NEIL3: variants seen among roughly 807,000 people sequenced by gnomAD.
NEIL3 encodes the protein endonuclease 8-like 3.
NEIL3 carries 48 observed loss-of-function variants against 57.5 expected under a neutral mutation model. The observed-to-expected ratio is 0.83, with a 90% CI of 0.66 to 1.06. NEIL3 has a LOEUF of 1.06. NEIL3 is among the 50% of genes least tolerant of loss of function. The probability of loss-of-function intolerance (pLI) is 0.00; values close to 1 mark genes in which losing one functional copy is unlikely to be tolerated. For synonymous variants in NEIL3, 261 were observed against 253.2 expected, an observed-to-expected ratio of 1.03 and a Z score of -0.29; for missense variants, 717 against 739.1, an observed-to-expected ratio of 0.97 and a Z score of 0.35.
At chr4:177,319,755 A>G (rs1578987345) in intron 1 of NEIL3, among the ~76,000 whole-genome samples, 1 of 152,116 alleles carries the variant, frequency 6.6e-6, no homozygotes, top group East Asian at 1.9e-4. Context: ...GAAGCAGGGA[A>G]CGCTACTATA....
intron 6 of NEIL3, among the ~76,000 whole-genome samples, 156 bp from the exon 7 acceptor site, chr4:177,351,206 CAAAAAAAAAAAAAAAAAA>C (rs749430879): frequency 8.5e-5 from 5 of 58,518 alleles, no homozygotes; most frequent in South Asian, 9.8e-4. Context: ...CCCATCTCTA[CAAAAAAAAAAAAAAAAAA>C]AAAAAAAAAA....
intron 8 of NEIL3, among the ~76,000 whole-genome samples, chr4:177,355,778 T>C (rs1735459560): frequency 6.6e-6 from 1 of 152,196 alleles, no homozygotes. Context: ...TCTGAGACAG[T>C]CTCTGCTCAA....
chr4:177,334,815 A>G (rs1734944428), intron 2 of NEIL3, among the ~76,000 whole-genome samples: 5 of 152,374 alleles, frequency 3.3e-5, no homozygotes, highest in Admixed American at 2.6e-4. Flanking sequence ...TATGAACTCA[A>G]CAAAGCTATG....
In NEIL3 at chr4:177,329,036, A is replaced by G. The variant is rs75580459; in HGVS notation, c.278+6456A>G. On this transcript the variant is annotated intron_variant, in intron 2 of 9. Coordinates refer to ENST00000264596, the MANE Select transcript of NEIL3 (RefSeq NM_018248.3). The stretch of plus-strand genomic sequence containing the variant: ...GAAGATTTGCATATCGTTTGAATAT[A>G]TCACTGAGATAACTTGTATCACAGT... 9.0e-3 allele frequency among the ~76,000 whole-genome samples: 1,368 copies of G among 152,290 alleles called. 18 individuals carry two copies. Among genetic ancestry groups the G allele is most frequent in the African/African-American group, 0.03 (1,266 of 41,580 alleles).
intron 6 of NEIL3, among the ~76,000 whole-genome samples, chr4:177,347,422 G>A (rs927437419): frequency 1.3e-5 from 2 of 152,120 alleles, no homozygotes; most frequent in Non-Finnish European, 2.9e-5. Context: ...TTTTGAACGG[G>A]CGTGAAATAA....
At chr4:177,341,208 T>C (rs1023834185) in intron 5 of NEIL3, among the ~76,000 whole-genome samples, 2 of 152,170 alleles carry the variant, frequency 1.3e-5, no homozygotes, top group Non-Finnish European at 2.9e-5. Context: ...GTCATTTAGA[T>C]AAGAGGATAA....
rs1440145554 is a variant in NEIL3 at position 177,362,899 on chromosome 4, C to A, written c.*428C>A. 5.3e-5 allele frequency: 8 copies of A among 151,948 alleles called. No individual in the cohort carries two copies. Among genetic ancestry groups the A allele is most frequent in the Admixed American group, 4.6e-4 (7 of 15,242 alleles). The allele number at this position is 151,948 out of a possible 1,614,324, so 9.4% of individuals were successfully genotyped here. On this transcript the variant is annotated 3_prime_UTR_variant, in exon 10 of 10. Transcript: ENST00000264596. Reference sequence around the variant, plus strand: ...TTATAATATATGATTAAAGATATTTCTTGTTTTATTAAATAATAAGAAATA... The same window carrying A: ...TTATAATATATGATTAAAGATATTTATTGTTTTATTAAATAATAAGAAATA...
intron 6 of NEIL3, 119 bp downstream of exon 6, chr4:177,341,761 TA>T: frequency 7.1e-6 from 6 of 850,432 alleles, no homozygotes; most frequent in Non-Finnish European, 1.0e-5. Flanking sequence ...GACTCAAAAG[TA>T]TTTTAGTCCT....
chr4:177,350,446 A>G (rs891753439), intron 6 of NEIL3, among the ~76,000 whole-genome samples: 1 of 152,202 alleles, frequency 6.6e-6, no homozygotes, highest in Non-Finnish European at 1.5e-5. Flanking sequence ...ATCATGATTT[A>G]TATTTGTGGC....
intron 2 of NEIL3, 119 bp from the exon 3 acceptor site, chr4:177,335,569 G>A: frequency 1.3e-6 from 1 of 796,110 alleles, no homozygotes; most frequent in Non-Finnish European, 2.0e-6. Flanking sequence ...CCCTTTAAAA[G>A]TGTCTATCCT....
chr4:177,320,468 T>TGC (rs551619306), intron 1 of NEIL3, among the ~76,000 whole-genome samples: 7,749 of 29,370 alleles, frequency 0.26, 405 homozygotes, highest in Middle Eastern at 0.38. Context: ...ACTGCTGTCT[T>TGC]TTTTTTTTTT....
At chr4:177,310,653 CT>C (rs1301395791) in intron 1 of NEIL3, among the ~76,000 whole-genome samples, 3 of 152,212 alleles carry the variant, frequency 2.0e-5, no homozygotes, top group Non-Finnish European at 4.4e-5. Flanking sequence ...AAACCCAGTT[CT>C]GGTTCCCTTA....
chr4:177,314,830 C>T (rs1428674519), intron 1 of NEIL3, among the ~76,000 whole-genome samples: 1 of 152,072 alleles, frequency 6.6e-6, no homozygotes, highest in Non-Finnish European at 1.5e-5. Context: ...GTAATTCCAG[C>T]ACTTTGGGAG....
At chr4:177,369,188 A>G in the NEIL3 span, among the ~76,000 whole-genome samples, 1 of 152,196 alleles carries the variant, frequency 6.6e-6, no homozygotes, top group African/African-American at 2.4e-5. Flanking sequence ...GAAATTTCAC[A>G]TATGAGTCAG....
chr4:177,338,780 C>T (rs17064661), intron 4 of NEIL3, among the ~76,000 whole-genome samples: 18,197 of 152,040 alleles, frequency 0.12, 1,170 homozygotes, highest in Middle Eastern at 0.21. Flanking sequence ...TTCTAAAGCT[C>T]GATAGTGACC....
At chr4:177,326,161 T>C (rs998968341) in intron 2 of NEIL3, among the ~76,000 whole-genome samples, 5 of 152,206 alleles carry the variant, frequency 3.3e-5, no homozygotes, top group Non-Finnish European at 7.4e-5. Context: ...TGTTTTCTTC[T>C]GGAAGTTTTA....
At chr4:177,324,140 G>C (rs1010629938) in intron 2 of NEIL3, among the ~76,000 whole-genome samples, 3 of 152,166 alleles carry the variant, frequency 2.0e-5, no homozygotes, top group African/African-American at 4.8e-5. Flanking sequence ...TTAGAGGAAT[G>C]GATAACTCTC....
chr4:177,319,642 G>GTCA (rs1734638686), intron 1 of NEIL3, among the ~76,000 whole-genome samples: 2 of 151,996 alleles, frequency 1.3e-5, no homozygotes, highest in Admixed American at 6.6e-5. Context: ...AGTGTAATGT[G>GTCA]TCATTCTTAT....
At chr4:177,349,028 T>C (rs1473429819) in intron 6 of NEIL3, among the ~76,000 whole-genome samples, 3 of 119,744 alleles carry the variant, frequency 2.5e-5, no homozygotes, top group African/African-American at 9.6e-5. Context: ...TCACCACACC[T>C]GGCTAATTTT....
Sources: allele counts gnomAD v4.1 joint callset (sites outside exome capture counted in the v4.1 genomes callset), GRCh38; gene constraint gnomAD v4.1.1; transcripts MANE v1.5; gene names NCBI Gene and HGNC (gene_info 2026-07-23, HGNC 2026-07-21).